The following FLYWCH1 variants were observed in gnomAD, a reference collection of about 807,000 sequenced individuals.
The protein encoded by FLYWCH1 is FLYWCH-type zinc finger-containing protein 1.
In FLYWCH1, 75 loss-of-function variants were observed where a neutral mutation model predicts 66.4. The ratio of observed to expected loss-of-function variants is 1.13; its 90% confidence interval spans 0.94 to 1.37. FLYWCH1 has a LOEUF of 1.37. Ranked by LOEUF, FLYWCH1 falls within the 40% of genes most tolerant of loss-of-function variation. FLYWCH1 has a pLI of 0.00. For synonymous variants in FLYWCH1, 595 were observed against 429.9 expected (o/e 1.38, Z -4.75); for missense variants, 1,334 against 1,001.8 (o/e 1.33, Z -4.48).
At chr16:2,935,498 T>G (rs2070960304) in intron 6 of FLYWCH1, 1 of 152,316 alleles carries the variant, frequency 6.6e-6, no homozygotes. Context: ...TGGGCCTGCC[T>G]TTCTCTTTCT....
At chr16:2,932,666 G>A (rs952325891) in intron 4 of FLYWCH1, among the ~76,000 whole-genome samples, 15 of 152,130 alleles carry the variant, frequency 9.9e-5, no homozygotes, top group Non-Finnish European at 2.1e-4. Flanking sequence ...CCATTTGAAT[G>A]TATTATACCT....
chr16:2,922,662 A>G, intron 2 of FLYWCH1: 2 of 447,542 alleles, frequency 4.5e-6, no homozygotes, highest in South Asian at 3.5e-5. Context: ...CTCGGTTTAC[A>G]TGATCTCCAT....
chr16:2,933,909 C>G lies in FLYWCH1; in HGVS notation c.1443C>G (p.Pro481=), dbSNP rs377331687. ...VTVMRGHCHP[P]DLGGLEALRQ... The stretch of plus-strand genomic sequence containing the variant: ...TCATGCGTGGTCACTGCCACCCGCC[C>G]GACCTGGGAGGCCTGGAGGCCCTGA... Residue 481 remains proline, a synonymous_variant, in exon 6 of 10, where the codon CCC becomes CCG. Coordinates refer to ENST00000253928, the MANE Select transcript of FLYWCH1 (RefSeq NM_001308068.2). 1 of 1,577,256 alleles carries G rather than the reference C, an allele frequency of 6.3e-7. No homozygotes were observed. The highest frequency in any genetic ancestry group is 8.6e-7 in the Non-Finnish European group (1 of 1,162,028).
chr16:2,934,126 A>G, intron 6 of FLYWCH1, 147 bp downstream of exon 6: 1 of 1,059,362 alleles, frequency 9.4e-7, no homozygotes, highest in Admixed American at 2.9e-5. Context: ...CTGGCCTCCT[A>G]CTCCTTGGCC....
At chr16:2,918,513 T>C (rs1376517895) in intron 2 of FLYWCH1, among the ~76,000 whole-genome samples, 1 of 151,400 alleles carries the variant, frequency 6.6e-6, no homozygotes, top group East Asian at 1.9e-4. Flanking sequence ...GGATCTTGGC[T>C]CACTGCAACC....
chr16:2,914,007 C>T (rs1040275527), intron 1 of FLYWCH1, among the ~76,000 whole-genome samples, 169 bp from the exon 2 acceptor site: 3 of 152,164 alleles, frequency 2.0e-5, no homozygotes, highest in African/African-American at 4.8e-5. Context: ...ACCGTGCCAC[C>T]GGCCCATTCA....
At chr16:2,928,290 T>A (rs769681122) in intron 2 of FLYWCH1, among the ~76,000 whole-genome samples, 11 of 152,116 alleles carry the variant, frequency 7.2e-5, no homozygotes, top group Non-Finnish European at 1.3e-4. Context: ...TCACTCCTCC[T>A]CCTCAGCACA....
chr16:2,949,094 G>T lies in FLYWCH1; in HGVS notation c.*367G>T. 2 of 334,048 alleles carry T rather than the reference G, an allele frequency of 6.0e-6. No individual in the cohort carries two copies. Among genetic ancestry groups the T allele is most frequent in the Non-Finnish European group, 1.2e-5 (2 of 173,430 alleles). 20.7% of individuals were successfully genotyped at this position (334,048 alleles called of 1,614,324 possible). ...CTTCCTAGGGCTTTCCACCTGGCGA[G>T]GCCCCGCTCTGCTCAGCACGGTGCA... On this transcript the variant is annotated 3_prime_UTR_variant, in exon 10 of 10. Transcript: ENST00000253928.
At chr16:2,918,083 C>G (rs958515404) in intron 2 of FLYWCH1, among the ~76,000 whole-genome samples, 2 of 151,584 alleles carry the variant, frequency 1.3e-5, no homozygotes, top group African/African-American at 2.4e-5. Flanking sequence ...AAGTGATCCA[C>G]CCACCTCGGC....
chr16:2,931,646 C>T (rs1210387789), intron 4 of FLYWCH1, among the ~76,000 whole-genome samples: 1 of 152,024 alleles, frequency 6.6e-6, no homozygotes, highest in African/African-American at 2.4e-5. Flanking sequence ...TATCTGGTTC[C>T]CATGCAATTC....
intron 2 of FLYWCH1, among the ~76,000 whole-genome samples, chr16:2,926,822 G>C (rs1024558468): frequency 1.3e-5 from 2 of 152,200 alleles, no homozygotes; most frequent in African/African-American, 2.4e-5. Context: ...GGGGGGAAAA[G>C]TGGGGCCATC....
intron 7 of FLYWCH1, 70 bp downstream of exon 7, chr16:2,937,454 GGCT>G: frequency 6.9e-7 from 1 of 1,453,246 alleles, no homozygotes; most frequent in South Asian, 1.5e-5. Context: ...GCTGGCTGGA[GGCT>G]GCCCGTGGGG....
In FLYWCH1 at chr16:2,930,688, C is replaced by A; in HGVS notation, c.604C>A (p.Pro202Thr). Residue 202 changes from proline to threonine, a missense_variant, in exon 4 of 10, where the codon CCC becomes ACC. Coordinates refer to ENST00000253928, the MANE Select transcript of FLYWCH1 (RefSeq NM_001308068.2). The stretch of plus-strand genomic sequence containing the variant: ...GGCCCTGCCAGAGGGCTTGGGAGAG[C>A]CCCAGGGTCCTGAGGGCCCTGGAGG... ...SLALPEGLGE[P>T]QGPEGPGGRV... The A allele has an allele frequency of 1.3e-6, 2 of 1,544,022 alleles. No individual in the cohort carries two copies. The highest frequency in any genetic ancestry group is 1.7e-6 in the Non-Finnish European group (2 of 1,147,306).
intron 1 of FLYWCH1, among the ~76,000 whole-genome samples, chr16:2,912,424 C>T (rs1375966006): frequency 6.6e-6 from 1 of 152,070 alleles, no homozygotes; most frequent in African/African-American, 2.4e-5. Flanking sequence ...GTCTGCCCCG[C>T]CCAGCGCTGC....
rs199932331 is a variant in FLYWCH1, at chr16:2,940,073, G to T, written c.2092G>T (p.Glu698Ter). 5.6e-5 allele frequency: 82 copies of T among 1,466,974 alleles called. No individual in the cohort carries two copies. In the Admixed American group the frequency reaches 7.7e-4, roughly 14 times the overall value. The allele number at this position is 1,466,974 out of a possible 1,614,324, so 90.9% of individuals were successfully genotyped here. Residue 698 changes from glutamate (E) to a stop codon, truncating the protein, a stop_gained, in exon 9 of 10, where the codon GAA (glutamate) becomes TAA (stop). Coordinates refer to ENST00000253928, the MANE Select transcript of FLYWCH1 (RefSeq NM_001308068.2). LOFTEE classifies it low-confidence loss of function (END_TRUNC). ...GCTGTGCTTCAAGACGTGTTCTCCT[G>T]AAAGCCAGCAGATTTATGGGTAATT... ...VQLCFKTCSP[E>*]SQQIYGDIKD...
chr16:2,931,889 G>A (rs950586727), intron 4 of FLYWCH1, among the ~76,000 whole-genome samples: 5 of 151,778 alleles, frequency 3.3e-5, no homozygotes, highest in Admixed American at 6.6e-5. Context: ...CGAGGTGGGC[G>A]GATCACGAGG....
chr16:2,930,659 G>T lies in FLYWCH1; in HGVS notation c.575G>T (p.Ser192Ile), dbSNP rs1254842352. ...CGGCGCCAGAGGGAGAAACTGCCCAGCCTGGCCCTGCCAGAGGGCTTGGGA... is the reference window on the plus strand; with the variant it reads ...CGGCGCCAGAGGGAGAAACTGCCCATCCTGGCCCTGCCAGAGGGCTTGGGA... ...EARRQREKLP[S>I]LALPEGLGEP... is the part of the protein sequence containing the mutation. The change falls in exon 4 of 10, where the codon AGC becomes ATC. Residue 192 changes from serine to isoleucine, a missense_variant. By Grantham distance (142) the Ser-to-Ile change is moderately radical (BLOSUM62 -2). Coordinates refer to ENST00000253928, the MANE Select transcript of FLYWCH1 (RefSeq NM_001308068.2). The T allele has an allele frequency of 1.8e-5, 28 of 1,545,976 alleles. No individual in the cohort carries two copies. The highest frequency in any genetic ancestry group is 2.3e-5 in the Non-Finnish European group (26 of 1,147,128).
intron 2 of FLYWCH1, among the ~76,000 whole-genome samples, chr16:2,929,103 G>A (rs564104277): frequency 8.5e-5 from 13 of 152,324 alleles, no homozygotes; most frequent in Admixed American, 2.0e-4. Context: ...GGTGCCTGGC[G>A]TCCTGGTGAA....
At chr16:2,919,209 A>C (rs911330100) in intron 2 of FLYWCH1, among the ~76,000 whole-genome samples, 2 of 150,682 alleles carry the variant, frequency 1.3e-5, no homozygotes, top group Admixed American at 6.6e-5. Flanking sequence ...GTGAGCCACC[A>C]CACCCAGCTG....
Sources: gnomAD v4.1 joint callset for allele counts (sites outside exome capture counted in the v4.1 genomes callset) on GRCh38, gnomAD v4.1.1 for gene constraint, MANE v1.5 for transcripts, NCBI Gene and HGNC (gene_info 2026-07-23, HGNC 2026-07-21) for gene names.